The following INPP4A variants were observed in gnomAD, a reference collection of about 807,000 sequenced individuals.
INPP4A encodes inositol polyphosphate-4-phosphatase type I A, also known as inositol polyphosphate-4-phosphatase, type I, 107kD.
Under a neutral mutation model 119.8 loss-of-function variants are expected in INPP4A, and 33 were observed. The observed-to-expected ratio is 0.28, with a 90% CI of 0.21 to 0.37. The LOEUF (loss-of-function observed/expected upper bound fraction) is 0.37, where lower values mean the gene tolerates loss of function less well. Ranked by LOEUF, INPP4A falls within the 10% of genes least tolerant of loss-of-function variation. The probability of loss-of-function intolerance (pLI) is 1.00; values close to 1 mark genes in which losing one functional copy is unlikely to be tolerated. For synonymous variants in INPP4A, 496 were observed against 500.7 expected, an observed-to-expected ratio of 0.99 and a Z score of 0.12; for missense variants, 956 against 1,289.9, an observed-to-expected ratio of 0.74 and a Z score of 3.97.
At chr2:98,447,142 C>T (rs1694331723) in intron 1 of INPP4A, among the ~76,000 whole-genome samples, 2 of 152,176 alleles carry the variant, frequency 1.3e-5, no homozygotes, top group Admixed American at 1.3e-4. Context: ...AGGCTTTCCA[C>T]CAAGACTGTT....
chr2:98,529,095 AT>A lies in INPP4A; in HGVS notation c.152-4279del, dbSNP rs1193535557. On this transcript the variant is annotated intron_variant, in intron 4 of 24. Coordinates refer to ENST00000409851, the MANE Select transcript of INPP4A (RefSeq NM_001134225.2). ...CTGTCTCAAAAAAAAAAAAAAAAAA[AT>A]TTCTATTCATCAAAAATATCTTTCA... is the stretch of plus-strand genomic sequence containing the variant. Among the ~76,000 whole-genome samples the A allele has an allele frequency of 2.5e-4, 37 of 148,748 alleles. No homozygotes were observed. In the East Asian group the frequency reaches 7.0e-3, roughly 28 times the overall value.
chr2:98,548,822 C>A, intron 13 of INPP4A: 1 of 791,556 alleles, frequency 1.3e-6, no homozygotes, highest in African/African-American at 1.7e-5. Flanking sequence ...GTAGTCATCC[C>A]TGTAGTTGGG....
Position 98,590,358 on chromosome 2 carries a change from C to T in INPP4A, c.*2750C>T, listed in dbSNP as rs551121364. On this transcript the variant is annotated 3_prime_UTR_variant, in exon 25 of 25. Coordinates refer to ENST00000409851, the MANE Select transcript of INPP4A (RefSeq NM_001134225.2). ...GGGGCAACAGCGTTGAGGTTAAGAG[C>T]ACGGACTTTGGGAGCACACAGACCA... is the stretch of plus-strand genomic sequence containing the variant. The T allele has an allele frequency of 5.3e-6, 1 of 187,210 alleles. No homozygotes were observed. Among genetic ancestry groups the T allele is most frequent in the Admixed American group, 6.2e-5 (1 of 16,108 alleles). 11.6% of individuals were successfully genotyped at this position (187,210 alleles called of 1,614,324 possible). A position where few individuals can be genotyped will look rare whatever the true frequency, so the allele number is the denominator to read the frequency against.
intron 1 of INPP4A, among the ~76,000 whole-genome samples, chr2:98,476,949 C>G (rs904338374): frequency 1.3e-5 from 2 of 152,220 alleles, no homozygotes; most frequent in African/African-American, 4.8e-5. Flanking sequence ...CTGAGTGCCT[C>G]CATCCCCCTG....
chr2:98,469,016 A>G (rs545823671), intron 1 of INPP4A, among the ~76,000 whole-genome samples: 1 of 152,208 alleles, frequency 6.6e-6, no homozygotes, highest in East Asian at 1.9e-4. Context: ...TAGTGTTGCA[A>G]TTTTCCCCAT....
chr2:98,454,439 A>G (rs17031905), intron 1 of INPP4A, among the ~76,000 whole-genome samples: 42,186 of 151,964 alleles, frequency 0.28, 5,908 homozygotes, highest in Middle Eastern at 0.35. Context: ...ATGTGAACCC[A>G]AGTCAGCTTT....
intron 6 of INPP4A, 53 bp downstream of exon 6, chr2:98,535,898 A>G: frequency 1.1e-6 from 1 of 928,096 alleles, no homozygotes; most frequent in Non-Finnish European, 1.7e-6. Context: ...AAAAAATTAT[A>G]TAATCGTTTG....
chr2:98,450,199 A>T (rs1439358950), intron 1 of INPP4A, among the ~76,000 whole-genome samples: 3 of 152,130 alleles, frequency 2.0e-5, no homozygotes, highest in Non-Finnish European at 4.4e-5. Flanking sequence ...GTTCTGTCCA[A>T]AGGTGAGCTG....
intron 24 of INPP4A, among the ~76,000 whole-genome samples, chr2:98,584,339 G>C (rs1699708026): frequency 6.6e-6 from 1 of 152,260 alleles, no homozygotes. Context: ...AATGCCTGTA[G>C]TGGTGACTTA....
At chr2:98,526,793 G>A (rs558555734) in intron 4 of INPP4A, among the ~76,000 whole-genome samples, 7 of 152,330 alleles carry the variant, frequency 4.6e-5, no homozygotes, top group South Asian at 4.1e-4. Flanking sequence ...TGAGCCCTCA[G>A]GGAGGTTTTA....
At chr2:98,493,746 A>G (rs1391578271) in intron 1 of INPP4A, among the ~76,000 whole-genome samples, 1 of 152,082 alleles carries the variant, frequency 6.6e-6, no homozygotes, top group Non-Finnish European at 1.5e-5. Context: ...CTCTACATGG[A>G]GTGTAGAGTT....
intron 19 of INPP4A, 115 bp from the exon 20 acceptor site, chr2:98,565,525 G>A (rs755155906): frequency 9.7e-5 from 112 of 1,160,040 alleles, no homozygotes; most frequent in Non-Finnish European, 1.3e-4. Context: ...CTCCACCAGA[G>A]CCACACCTGC....
At chr2:98,573,049 A>C in intron 23 of INPP4A, 122 bp downstream of exon 23, 1 of 714,686 alleles carries the variant, frequency 1.4e-6, no homozygotes, top group Non-Finnish European at 2.4e-6. Context: ...GAGAGGAGGG[A>C]GTCACTGAGT....
intron 1 of INPP4A, among the ~76,000 whole-genome samples, chr2:98,486,839 C>T (rs184428586): frequency 3.1e-4 from 47 of 152,374 alleles, no homozygotes; most frequent in African/African-American, 1.1e-3. Context: ...ACAGTGGCCT[C>T]TGCCAGTGAC....
intron 1 of INPP4A, among the ~76,000 whole-genome samples, chr2:98,517,934 A>T (rs1423725908): frequency 6.6e-6 from 1 of 152,222 alleles, no homozygotes; most frequent in African/African-American, 2.4e-5. Context: ...GTGTATTCTC[A>T]TTGAAGAACA....
intron 1 of INPP4A, among the ~76,000 whole-genome samples, chr2:98,508,799 A>T (rs1159049831): frequency 1.3e-5 from 2 of 152,230 alleles, no homozygotes; most frequent in Non-Finnish European, 2.9e-5. Context: ...CGCTGACTGC[A>T]GTCCTAACCA....
At chr2:98,544,108 A>G in intron 11 of INPP4A, 101 bp downstream of exon 11, 1 of 1,137,862 alleles carries the variant, frequency 8.8e-7, no homozygotes, top group Non-Finnish European at 1.2e-6. Context: ...CCAGCCAGGG[A>G]TCTGGAACAC....
intron 4 of INPP4A, among the ~76,000 whole-genome samples, chr2:98,526,505 T>C (rs1177281977): frequency 1.3e-5 from 2 of 152,208 alleles, no homozygotes; most frequent in African/African-American, 2.4e-5. Context: ...TGAGGGCATA[T>C]ATGGCAGAGT....
At chr2:98,520,899 G>C in intron 4 of INPP4A, 168 bp downstream of exon 4, 1 of 538,774 alleles carries the variant, frequency 1.9e-6, no homozygotes, top group South Asian at 2.4e-5. Flanking sequence ...AACTTCTGTG[G>C]ATGGGAAGGC....
Sources: gnomAD v4.1 joint callset for allele counts (sites outside exome capture counted in the v4.1 genomes callset) on GRCh38, gnomAD v4.1.1 for gene constraint, MANE v1.5 for transcripts, NCBI Gene and HGNC (gene_info 2026-07-23, HGNC 2026-07-21) for gene names.